Variants in PLD1 observed in about 807,000 individuals in gnomAD.
PLD1 encodes phospholipase D1.
A neutral mutation model predicts 137.1 loss-of-function variants in PLD1; 112 were observed. The observed-to-expected ratio is 0.82, with a 90% confidence interval of 0.70 to 0.96. The LOEUF (loss-of-function observed/expected upper bound fraction) is 0.96, where lower values mean the gene tolerates loss of function less well. PLD1 is among the 40% of genes least tolerant of loss of function. The pLI, the probability that PLD1 is intolerant of heterozygous loss-of-function variation, is 0.00. For missense variants in PLD1, 1,321 were observed against 1,342.0 expected (o/e 0.98, Z 0.24); for synonymous variants, 431 against 454.7 (o/e 0.95, Z 0.66).
intron 23 of PLD1, among the ~76,000 whole-genome samples, chr3:171,624,497 T>C (rs1223330035): frequency 6.6e-6 from 1 of 152,106 alleles, no homozygotes; most frequent in African/African-American, 2.4e-5. Context: ...GTTTACCTCC[T>C]GACTCAGCAA....
At chr3:171,670,995 T>C (rs765421116) in intron 19 of PLD1, among the ~76,000 whole-genome samples, 1 of 152,126 alleles carries the variant, frequency 6.6e-6, no homozygotes, top group Non-Finnish European at 1.5e-5. Flanking sequence ...GAATGAAAAT[T>C]TTCCCTTTAA....
At chr3:171,618,702 C>A (rs1035035038) in intron 24 of PLD1, among the ~76,000 whole-genome samples, 14 of 148,070 alleles carry the variant, frequency 9.5e-5, no homozygotes, top group African/African-American at 3.6e-4. Flanking sequence ...ATGTGCTATA[C>A]AAATATTAAA....
intron 1 of PLD1, among the ~76,000 whole-genome samples, chr3:171,801,214 C>CA (rs774428932): frequency 5.9e-5 from 9 of 152,282 alleles, no homozygotes; most frequent in South Asian, 2.1e-4. Flanking sequence ...GTGTTAGCAC[C>CA]AAAAAGACTC....
At chr3:171,734,382 C>T (rs907501451) in intron 5 of PLD1, among the ~76,000 whole-genome samples, 1 of 152,190 alleles carries the variant, frequency 6.6e-6, no homozygotes, top group Non-Finnish European at 1.5e-5. Flanking sequence ...GCAGAAGTGC[C>T]CCTCCTCTGG....
At chr3:171,733,163 G>T (rs1385897040) in intron 6 of PLD1, among the ~76,000 whole-genome samples, 2 of 152,198 alleles carry the variant, frequency 1.3e-5, no homozygotes, top group East Asian at 1.9e-4. Context: ...AGAGAAGAAG[G>T]TTGATTTCTA....
chr3:171,741,697 C>G (rs927298849), intron 1 of PLD1, among the ~76,000 whole-genome samples: 1 of 152,000 alleles, frequency 6.6e-6, no homozygotes, highest in African/African-American at 2.4e-5. Flanking sequence ...TTTTTTTATT[C>G]TCGTTTTGAA....
At chr3:171,768,584 C>A (rs1283127460) in intron 1 of PLD1, among the ~76,000 whole-genome samples, 1 of 152,234 alleles carries the variant, frequency 6.6e-6, no homozygotes, top group Non-Finnish European at 1.5e-5. Context: ...AAATTCATCT[C>A]TAATACCACT....
chr3:171,768,659 A>G (rs1214890571), intron 1 of PLD1, among the ~76,000 whole-genome samples: 1 of 152,212 alleles, frequency 6.6e-6, no homozygotes, highest in Non-Finnish European at 1.5e-5. Flanking sequence ...CAACTTCCTC[A>G]ACGTTTGGGG....
chr3:171,695,547 T>C (rs1405459344), intron 12 of PLD1, among the ~76,000 whole-genome samples: 1 of 152,236 alleles, frequency 6.6e-6, no homozygotes, highest in Non-Finnish European at 1.5e-5. Flanking sequence ...CATAACACTA[T>C]AAACAGTAGA....
chr3:171,653,360 C>A (rs1484455832), intron 21 of PLD1: 1 of 152,168 alleles, frequency 6.6e-6, no homozygotes, highest in Non-Finnish European at 1.5e-5. Flanking sequence ...AAACTAAACA[C>A]ATATTATGCT....
At chr3:171,636,717 T>C (rs1057225036) in intron 23 of PLD1, among the ~76,000 whole-genome samples, 6 of 151,736 alleles carry the variant, frequency 4.0e-5, no homozygotes, top group African/African-American at 1.5e-4. Flanking sequence ...TAAAAAGAGG[T>C]AGTTTTACTC....
chr3:171,672,990 T>C (rs758841131), intron 19 of PLD1, among the ~76,000 whole-genome samples: 1 of 152,204 alleles, frequency 6.6e-6, no homozygotes, highest in Non-Finnish European at 1.5e-5. Context: ...TTCCCAGCAA[T>C]CCATTTTCAA....
chr3:171,710,869 G>GTTTTTTTTTTTTTTTTTTT (rs1281179100), intron 9 of PLD1, among the ~76,000 whole-genome samples: 2 of 98,682 alleles, frequency 2.0e-5, no homozygotes, highest in Admixed American at 9.4e-5. Context: ...TAGGAAAACT[G>GTTTTTTTTTTTTTTTTTTT]TTCTTTTTTT....
chr3:171,650,486 C>A (rs1470520625), intron 21 of PLD1, among the ~76,000 whole-genome samples: 1 of 152,040 alleles, frequency 6.6e-6, no homozygotes, highest in African/African-American at 2.4e-5. Flanking sequence ...GTCTGGAAGC[C>A]CCTTTCCAAA....
At chr3:171,782,557 G>A (rs1722835206) in intron 1 of PLD1, among the ~76,000 whole-genome samples, 1 of 152,168 alleles carries the variant, frequency 6.6e-6, no homozygotes, top group Non-Finnish European at 1.5e-5. Context: ...ATAGATGGGT[G>A]ACAAGACGTA....
At chr3:171,725,866 T>A (rs1371611025) in intron 7 of PLD1, 152 bp downstream of exon 7, 1 of 624,230 alleles carries the variant, frequency 1.6e-6, no homozygotes, top group Non-Finnish European at 2.9e-6. Context: ...CTCTGATTTG[T>A]ATGAATAATT....
intron 23 of PLD1, among the ~76,000 whole-genome samples, chr3:171,641,544 A>G (rs955650533): frequency 1.3e-5 from 2 of 152,120 alleles, no homozygotes; most frequent in Admixed American, 1.3e-4. Context: ...AAAATACTCA[A>G]TTCAGGTTTA....
chr3:171,772,166 G>T (rs1722391481), intron 1 of PLD1, among the ~76,000 whole-genome samples: 1 of 152,186 alleles, frequency 6.6e-6, no homozygotes, highest in East Asian at 1.9e-4. Flanking sequence ...TTAACACAAT[G>T]TGTTCACAGT....
chr3:171,799,342 AAAAAAAAAAAAAAAAAAAAAGAGG>A (rs1369521436), intron 1 of PLD1, among the ~76,000 whole-genome samples: 2 of 149,412 alleles, frequency 1.3e-5, no homozygotes, highest in African/African-American at 4.9e-5. Context: ...CCGTCTAAAA[AAAAAAAAAAAAAAAAAAAAAGAGG>A]AAAAAAAAAA....
Sources: allele counts gnomAD v4.1 joint callset (sites outside exome capture counted in the v4.1 genomes callset), GRCh38; gene constraint gnomAD v4.1.1; transcripts MANE v1.5; gene names NCBI Gene and HGNC (gene_info 2026-07-23, HGNC 2026-07-21).